The following FAT4 variants were observed in gnomAD, a reference collection of about 807,000 sequenced individuals.
FAT4 encodes protocadherin Fat 4.
FAT4 carries 84 observed loss-of-function variants against 303.9 expected under a neutral mutation model. That is an observed-to-expected ratio of 0.28 (90% CI 0.23 to 0.33). The LOEUF (loss-of-function observed/expected upper bound fraction) is 0.33, where lower values mean the gene tolerates loss of function less well. Ranked by LOEUF, FAT4 falls within the 10% of genes least tolerant of loss-of-function variation. The pLI is 1.00. For missense variants in FAT4, 6,005 were observed against 6,146.8 expected (o/e 0.98, Z 0.77); for synonymous variants, 2,307 against 2,298.8 (o/e 1.00, Z -0.10).
chr4:125,398,447 A>G (rs1192723322), intron 2 of FAT4, among the ~76,000 whole-genome samples: 1 of 152,152 alleles, frequency 6.6e-6, no homozygotes, highest in African/African-American at 2.4e-5. Flanking sequence ...TGGTTGAATG[A>G]CAGACAGTGC....
Position 125,450,985 on chromosome 4 carries a change from C to T in FAT4, c.9975C>T (p.Ser3325=), listed in dbSNP as rs374971295. The change falls in exon 10 of 18, where the codon AGC becomes AGT. Residue 3325 remains serine, a synonymous_variant. Transcript: ENST00000394329. ...KGTIVGEVFA[S]DRDLGTDGEV... ...CTATTGTTGGAGAAGTGTTTGCTAG[C>T]GACCGTGATTTGGGCACTGATGGGG... 200 of 1,613,944 alleles carry T rather than the reference C, an allele frequency of 1.2e-4. No homozygotes were observed. Among genetic ancestry groups the T allele is most frequent in the African/African-American group, 1.9e-4 (14 of 74,892 alleles).
intron 8 of FAT4, among the ~76,000 whole-genome samples, chr4:125,438,305 T>TA (rs1038457056): frequency 5.9e-5 from 9 of 152,162 alleles, no homozygotes; most frequent in Non-Finnish European, 1.2e-4. Context: ...TAGTGCATGT[T>TA]AAAGATTCAT....
intron 7 of FAT4, among the ~76,000 whole-genome samples, chr4:125,423,283 C>A (rs1344694896): frequency 7.0e-6 from 1 of 142,580 alleles, no homozygotes; most frequent in East Asian, 2.2e-4. Flanking sequence ...CCATCACAGG[C>A]CTGGAAGTCC....
intron 2 of FAT4, among the ~76,000 whole-genome samples, chr4:125,327,709 C>T (rs1731212804): frequency 6.6e-6 from 1 of 152,156 alleles, no homozygotes; most frequent in Admixed American, 6.5e-5. Flanking sequence ...AATGAATTTA[C>T]AATTTATTAC....
intron 15 of FAT4, among the ~76,000 whole-genome samples, 183 bp from the exon 16 acceptor site, chr4:125,481,338 C>T (rs1037708375): frequency 1.3e-4 from 20 of 152,166 alleles, no homozygotes; most frequent in African/African-American, 4.3e-4. Context: ...TGCATTTAAA[C>T]ATGTGAAATC....
At chr4:125,405,560 C>T (rs1734565201) in intron 3 of FAT4, among the ~76,000 whole-genome samples, 2 of 151,462 alleles carry the variant, frequency 1.3e-5, no homozygotes, top group African/African-American at 4.9e-5. Context: ...ACCTAGGCTA[C>T]AGTACAGTGG....
At chr4:125,365,490 T>TA (rs1385616209) in intron 2 of FAT4, among the ~76,000 whole-genome samples, 7 of 152,322 alleles carry the variant, frequency 4.6e-5, no homozygotes, top group South Asian at 2.1e-4. Flanking sequence ...TGCTCTCTAT[T>TA]GTCTTTCCTA....
At chr4:125,435,111 ATATTTGTG>A (rs1725408526) in intron 8 of FAT4, among the ~76,000 whole-genome samples, 1 of 152,220 alleles carries the variant, frequency 6.6e-6, no homozygotes, top group Admixed American at 6.5e-5. Context: ...TCTAATAAGA[ATATTTGTG>A]TATTCTTCAT....
chr4:125,343,949 A>C (rs1731896721), intron 2 of FAT4, among the ~76,000 whole-genome samples: 2 of 152,158 alleles, frequency 1.3e-5, no homozygotes, highest in Admixed American at 1.3e-4. Flanking sequence ...GTTGTGTTCT[A>C]ATAGATGATT....
At chr4:125,457,715 G>A (rs1408379537) in intron 10 of FAT4, among the ~76,000 whole-genome samples, 1 of 151,964 alleles carries the variant, frequency 6.6e-6, no homozygotes, top group Non-Finnish European at 1.5e-5. Flanking sequence ...TATAGGCCAT[G>A]TGAAAAATTA....
intron 7 of FAT4, among the ~76,000 whole-genome samples, chr4:125,433,963 A>G (rs1367084675): frequency 6.6e-6 from 1 of 152,174 alleles, no homozygotes; most frequent in African/African-American, 2.4e-5. Flanking sequence ...TTCAAATGAT[A>G]TTGTTGTGTT....
rs1299999175 is a variant in FAT4, at chr4:125,450,172, C to A, written c.9162C>A (p.Asn3054Lys). 2 of 1,613,724 alleles carry A rather than the reference C, an allele frequency of 1.2e-6. No individual in the cohort carries two copies. Among genetic ancestry groups the A allele is most frequent in the Non-Finnish European group, 1.7e-6 (2 of 1,179,972 alleles). The part of the protein sequence containing the change: ...SVASSLISDL[N>K]QNFFITVTAK... ...CATCCTCCCTGATTTCTGACTTGAA[C>A]CAAAACTTTTTTATCACAGTCACTG... The change falls in exon 10 of 18, where the codon AAC becomes AAA. Residue 3054 changes from asparagine (N) to lysine (K), a missense_variant. Physicochemically the swap from Asn to Lys is moderately conservative, Grantham distance 94. Coordinates refer to ENST00000394329, the MANE Select transcript of FAT4 (RefSeq NM_001291303.3).
At chr4:125,473,807 T>C (rs1726940897) in intron 12 of FAT4, among the ~76,000 whole-genome samples, 5 of 152,032 alleles carry the variant, frequency 3.3e-5, no homozygotes, top group Admixed American at 3.3e-4. Context: ...TTTGTATTAT[T>C]GTGACCATAG....
chr4:125,319,801 G>A lies in FAT4; in HGVS notation c.3390G>A (p.Gly1130=), dbSNP rs750707078. 2 of 1,614,188 alleles carry A rather than the reference G, an allele frequency of 1.2e-6. No individual in the cohort carries two copies. Among genetic ancestry groups the A allele is most frequent in the South Asian group, 2.2e-5 (2 of 91,084 alleles). Residue 1130 remains glycine, a synonymous_variant, in exon 2 of 18, where the codon GGG becomes GGA. Coordinates refer to ENST00000394329, the MANE Select transcript of FAT4 (RefSeq NM_001291303.3). ...TAAGTGCTGTAGATAAAGACTTTGG[G>A]CCAAATGGAGAAGTAAGGTATTCTT... is the stretch of plus-strand genomic sequence containing the variant. ...GKVSAVDKDF[G]PNGEVRYSFE... is the part of the protein sequence containing the mutation.
At chr4:125,357,365 TAC>T (rs1174430719) in intron 2 of FAT4, among the ~76,000 whole-genome samples, 1 of 152,136 alleles carries the variant, frequency 6.6e-6, no homozygotes, top group Non-Finnish European at 1.5e-5. Context: ...GTTAAATTGA[TAC>T]AGATTCTTGT....
intron 8 of FAT4, among the ~76,000 whole-genome samples, chr4:125,436,029 G>A (rs1437950632): frequency 6.8e-5 from 10 of 147,828 alleles, no homozygotes; most frequent in South Asian, 6.7e-4. Context: ...ATCACACACC[G>A]GGGCCTGTCA....
At chr4:125,420,585 A>T (rs1735250370) in intron 7 of FAT4, among the ~76,000 whole-genome samples, 1 of 152,202 alleles carries the variant, frequency 6.6e-6, no homozygotes, top group Non-Finnish European at 1.5e-5. Context: ...TTTTTGCTAC[A>T]TTGGCTGTGG....
chr4:125,379,956 C>T (rs9884773), intron 2 of FAT4, among the ~76,000 whole-genome samples: 5,880 of 152,082 alleles, frequency 0.039, 378 homozygotes, highest in African/African-American at 0.13. Flanking sequence ...TGCAGTGGCG[C>T]GATCTGGGCT....
intron 7 of FAT4, among the ~76,000 whole-genome samples, chr4:125,421,239 T>A (rs934031575): frequency 6.6e-6 from 1 of 152,120 alleles, no homozygotes; most frequent in Non-Finnish European, 1.5e-5. Flanking sequence ...ATTCGACAAT[T>A]CTTTTATACC....
Sources: allele counts gnomAD v4.1 joint callset (sites outside exome capture counted in the v4.1 genomes callset), GRCh38; gene constraint gnomAD v4.1.1; transcripts MANE v1.5; gene names NCBI Gene and HGNC (gene_info 2026-07-23, HGNC 2026-07-21).